NRXN1: variants seen among roughly 807,000 people sequenced by gnomAD.
NRXN1 encodes neurexin-1.
NRXN1 carries 39 observed loss-of-function variants against 150.9 expected under a neutral mutation model. The observed-to-expected ratio is 0.26, with a 90% CI of 0.20 to 0.34. NRXN1 has a LOEUF of 0.34. NRXN1 is among the 10% of genes least tolerant of loss of function. NRXN1 has a pLI of 1.00. For missense variants in NRXN1, 1,815 were observed against 1,949.9 expected (o/e 0.93, Z 1.30); for synonymous variants, 924 against 757.0 (o/e 1.22, Z -3.62).
intron 21 of NRXN1, among the ~76,000 whole-genome samples, chr2:50,036,887 A>G (rs1690121771): frequency 6.6e-6 from 1 of 152,180 alleles, no homozygotes; most frequent in African/African-American, 2.4e-5. Flanking sequence ...GCTGATCACC[A>G]ACATATGAAC....
intron 8 of NRXN1, among the ~76,000 whole-genome samples, chr2:50,568,927 G>A (rs1454123452): frequency 6.6e-6 from 1 of 152,078 alleles, no homozygotes; most frequent in African/African-American, 2.4e-5. Context: ...TAAGGAAAAT[G>A]TAGTATATAT....
At chr2:50,730,973 T>G (rs1698032193) in intron 5 of NRXN1, among the ~76,000 whole-genome samples, 1 of 152,110 alleles carries the variant, frequency 6.6e-6, no homozygotes, top group African/African-American at 2.4e-5. Context: ...GCGCCCGGCC[T>G]TCCCTTATCT....
At chr2:49,971,392 C>T (rs1677928982) in intron 21 of NRXN1, among the ~76,000 whole-genome samples, 3 of 152,068 alleles carry the variant, frequency 2.0e-5, no homozygotes, top group Admixed American at 6.6e-5. Flanking sequence ...GTAAGTATTT[C>T]CCTAGTTAAT....
intron 2 of NRXN1, among the ~76,000 whole-genome samples, chr2:50,933,113 G>C (rs891521189): frequency 6.6e-6 from 1 of 151,934 alleles, no homozygotes; most frequent in Non-Finnish European, 1.5e-5. Context: ...ATTAGGTCCA[G>C]GTTTATAAAT....
chr2:49,974,536 A>G (rs1678603139), intron 21 of NRXN1, among the ~76,000 whole-genome samples: 1 of 152,114 alleles, frequency 6.6e-6, no homozygotes, highest in Non-Finnish European at 1.5e-5. Flanking sequence ...TTTTCTTGAG[A>G]TAATTATCTT....
chr2:50,309,909 T>C (rs574485234), intron 17 of NRXN1, among the ~76,000 whole-genome samples: 1 of 152,258 alleles, frequency 6.6e-6, no homozygotes, highest in South Asian at 2.1e-4. Flanking sequence ...AGACTCATGA[T>C]TAAAATGGAC....
intron 2 of NRXN1, chr2:50,963,971 T>A: frequency 2.3e-6 from 1 of 443,402 alleles, no homozygotes; most frequent in Non-Finnish European, 4.5e-6. Context: ...TACAAACATA[T>A]GTCATTGTCC....
chr2:50,173,762 G>A (rs1037326730), intron 18 of NRXN1, among the ~76,000 whole-genome samples: 5 of 151,906 alleles, frequency 3.3e-5, no homozygotes, highest in Admixed American at 6.6e-5. Context: ...GCCATTTTAC[G>A]AAGGGCGTGG....
intron 17 of NRXN1, among the ~76,000 whole-genome samples, chr2:50,320,598 T>C (rs558922531): frequency 2.0e-5 from 3 of 151,542 alleles, no homozygotes; most frequent in African/African-American, 7.3e-5. Context: ...CAAGAGGAAC[T>C]AGAAAGAGAG....
chr2:50,577,247 T>C (rs1223257221), intron 8 of NRXN1, among the ~76,000 whole-genome samples: 1 of 152,134 alleles, frequency 6.6e-6, no homozygotes, highest in Admixed American at 6.6e-5. Context: ...TTTTTTGTCC[T>C]GTTACTGGCA....
chr2:50,753,484 C>T (rs1171202967), intron 5 of NRXN1, among the ~76,000 whole-genome samples: 1 of 151,824 alleles, frequency 6.6e-6, no homozygotes, highest in East Asian at 2.0e-4. Flanking sequence ...TAACTAATCA[C>T]TCCCATGCAC....
chr2:49,931,082 C>G (rs563312885), intron 22 of NRXN1, among the ~76,000 whole-genome samples: 1 of 152,082 alleles, frequency 6.6e-6, no homozygotes, highest in Admixed American at 6.5e-5. Flanking sequence ...GAGTGAGCCA[C>G]GATCATGTCA....
intron 5 of NRXN1, among the ~76,000 whole-genome samples, chr2:50,794,443 C>A (rs1706502921): frequency 6.6e-6 from 1 of 152,028 alleles, no homozygotes; most frequent in Admixed American, 6.6e-5. Flanking sequence ...TAAATATCTC[C>A]CACTCAACAC....
intron 5 of NRXN1, among the ~76,000 whole-genome samples, chr2:50,903,531 CAT>C (rs1479724236): frequency 1.3e-5 from 2 of 152,084 alleles, no homozygotes; most frequent in Admixed American, 6.5e-5. Context: ...TTTGTAGTGA[CAT>C]GTGCTCTCAG....
At chr2:50,922,907 G>C (rs1686278163) in intron 3 of NRXN1, among the ~76,000 whole-genome samples, 1 of 151,850 alleles carries the variant, frequency 6.6e-6, no homozygotes, top group African/African-American at 2.4e-5. Context: ...ATGCTGCACT[G>C]TGTATTTCTT....
intron 18 of NRXN1, among the ~76,000 whole-genome samples, chr2:50,132,557 G>A (rs1220106159): frequency 6.6e-6 from 1 of 151,828 alleles, no homozygotes; most frequent in Non-Finnish European, 1.5e-5. Flanking sequence ...TTCCCGCCTC[G>A]GCCTCCCAAA....
chr2:50,188,282 C>T (rs558964969), intron 18 of NRXN1, among the ~76,000 whole-genome samples: 2 of 152,240 alleles, frequency 1.3e-5, no homozygotes, highest in Admixed American at 1.3e-4. Context: ...AAAGGATTCC[C>T]TATTTAGTAA....
intron 17 of NRXN1, among the ~76,000 whole-genome samples, chr2:50,314,958 T>A (rs2075474079): frequency 6.6e-6 from 1 of 152,080 alleles, no homozygotes; most frequent in Admixed American, 6.6e-5. Context: ...TTTGGATTTT[T>A]TTTTCTGGTT....
chr2:50,741,033 T>C (rs953796448), intron 5 of NRXN1, among the ~76,000 whole-genome samples: 1 of 152,192 alleles, frequency 6.6e-6, no homozygotes, highest in Non-Finnish European at 1.5e-5. Context: ...TCTGTCAAAA[T>C]CTGTGACGGC....
Sources: gnomAD v4.1 joint callset for allele counts (sites outside exome capture counted in the v4.1 genomes callset) on GRCh38, gnomAD v4.1.1 for gene constraint, MANE v1.5 for transcripts, NCBI Gene and HGNC (gene_info 2026-07-23, HGNC 2026-07-21) for gene names.